ATP8A2: variants seen among roughly 807,000 people sequenced by gnomAD.
ATP8A2 encodes the protein phospholipid-transporting ATPase IB.
In ATP8A2, 100 loss-of-function variants were observed where a neutral mutation model predicts 165.6. That is an observed-to-expected ratio of 0.60 (90% CI 0.51 to 0.71). ATP8A2 has a LOEUF of 0.71. ATP8A2 is among the 30% of genes least tolerant of loss of function. ATP8A2 has a pLI of 0.00. For missense variants in ATP8A2, 1,227 were observed against 1,479.5 expected (o/e 0.83, Z 2.80); for synonymous variants, 543 against 548.8 (o/e 0.99, Z 0.15).
At chr13:25,747,519 A>T (rs2044059209) in intron 25 of ATP8A2, among the ~76,000 whole-genome samples, 3 of 152,210 alleles carry the variant, frequency 2.0e-5, no homozygotes, top group Non-Finnish European at 4.4e-5. Context: ...TAACTCTTAC[A>T]GAACAGTACG....
intron 1 of ATP8A2, among the ~76,000 whole-genome samples, chr13:25,461,282 G>C (rs1384424034): frequency 6.6e-6 from 1 of 152,190 alleles, no homozygotes; most frequent in Non-Finnish European, 1.5e-5. Context: ...TGTCTGCCAA[G>C]GCTAAAATAA....
At chr13:25,827,633 G>A (rs549038889) in intron 27 of ATP8A2, among the ~76,000 whole-genome samples, 1 of 152,204 alleles carries the variant, frequency 6.6e-6, no homozygotes, top group African/African-American at 2.4e-5. Flanking sequence ...CCTTGGTCAA[G>A]GTGGTAGACA....
chr13:25,465,667 CTT>C (rs1215571751), intron 1 of ATP8A2, among the ~76,000 whole-genome samples: 851 of 5,624 alleles, frequency 0.15, 18 homozygotes, highest in Non-Finnish European at 0.22. Context: ...GCAGAGTTTT[CTT>C]TCTTTCTTTC....
chr13:25,904,511 G>T (rs1469766711), intron 33 of ATP8A2, among the ~76,000 whole-genome samples: 1 of 152,168 alleles, frequency 6.6e-6, no homozygotes, highest in Non-Finnish European at 1.5e-5. Flanking sequence ...GCCTCTTCCT[G>T]CCTGCCGGAA....
chr13:25,436,729 G>A (rs535046847), intron 1 of ATP8A2, among the ~76,000 whole-genome samples: 5 of 151,980 alleles, frequency 3.3e-5, no homozygotes, highest in East Asian at 3.9e-4. Context: ...CACCAGCAGT[G>A]TGTAAGCACC....
At chr13:25,960,167 G>A (rs1394481104) in intron 33 of ATP8A2, among the ~76,000 whole-genome samples, 5 of 152,340 alleles carry the variant, frequency 3.3e-5, no homozygotes, top group Admixed American at 1.3e-4. Context: ...CAGGGTAAGC[G>A]GGTGGGGATG....
At chr13:25,646,024 C>T (rs1216334972) in intron 24 of ATP8A2, among the ~76,000 whole-genome samples, 1 of 152,042 alleles carries the variant, frequency 6.6e-6, no homozygotes, top group Admixed American at 6.6e-5. Flanking sequence ...AAGTCCCTTG[C>T]TGTTATTATA....
At chr13:25,424,300 C>T (rs1020529247) in intron 1 of ATP8A2, among the ~76,000 whole-genome samples, 2 of 152,186 alleles carry the variant, frequency 1.3e-5, no homozygotes, top group African/African-American at 4.8e-5. Flanking sequence ...CCATTCTTCC[C>T]ATTCTTGTGT....
chr13:25,891,038 C>A (rs1383040751), intron 33 of ATP8A2, among the ~76,000 whole-genome samples: 4 of 152,144 alleles, frequency 2.6e-5, no homozygotes, highest in Non-Finnish European at 5.9e-5. Context: ...AGGAAATGAA[C>A]CTCACATCAC....
At chr13:25,581,619 CTG>C (rs1332989330) in intron 22 of ATP8A2, among the ~76,000 whole-genome samples, 198 bp from the exon 23 acceptor site, 11 of 152,174 alleles carry the variant, frequency 7.2e-5, no homozygotes, top group Admixed American at 7.2e-4. Flanking sequence ...ACTGGGCTGC[CTG>C]TGTGTGTAGA....
intron 20 of ATP8A2, among the ~76,000 whole-genome samples, chr13:25,578,400 C>A (rs990660042): frequency 6.6e-6 from 1 of 152,160 alleles, no homozygotes; most frequent in African/African-American, 2.4e-5. Context: ...GTTGTGCCCT[C>A]TGTGCTTAGG....
intron 2 of ATP8A2, among the ~76,000 whole-genome samples, chr13:25,480,397 G>C (rs369167676): frequency 6.6e-6 from 1 of 151,710 alleles, no homozygotes; most frequent in East Asian, 2.0e-4. Context: ...TCACTTCTCA[G>C]ACGGGGCGGT....
At chr13:25,569,889 C>A (rs1180471869) in intron 16 of ATP8A2, among the ~76,000 whole-genome samples, 1 of 152,096 alleles carries the variant, frequency 6.6e-6, no homozygotes, top group African/African-American at 2.4e-5. Flanking sequence ...ATAGTGGTCA[C>A]TGAAATAATT....
intron 24 of ATP8A2, among the ~76,000 whole-genome samples, chr13:25,620,291 G>A (rs1172070344): frequency 6.6e-6 from 1 of 152,144 alleles, no homozygotes; most frequent in African/African-American, 2.4e-5. Context: ...CAGCAACAGA[G>A]GGACCAGAAC....
At chr13:25,704,497 C>T (rs570931542) in intron 25 of ATP8A2, among the ~76,000 whole-genome samples, 2 of 152,168 alleles carry the variant, frequency 1.3e-5, no homozygotes, top group Non-Finnish European at 2.9e-5. Flanking sequence ...CTATGCCTGG[C>T]TAATTTTTAA....
At chr13:25,993,487 T>C (rs1422243251) in intron 35 of ATP8A2, among the ~76,000 whole-genome samples, 1 of 152,194 alleles carries the variant, frequency 6.6e-6, no homozygotes, top group Non-Finnish European at 1.5e-5. Flanking sequence ...TTGTATAGTT[T>C]TATATTTTAC....
At chr13:26,019,810 AAAAG>A in intron 36 of ATP8A2, 74 bp from the exon 37 acceptor site, 1 of 1,068,682 alleles carries the variant, frequency 9.4e-7, no homozygotes, top group Non-Finnish European at 1.4e-6. Flanking sequence ...GCTGCCAAAA[AAAAG>A]CAGCTTATTT....
chr13:25,515,173 A>G (rs1269290801), intron 2 of ATP8A2, among the ~76,000 whole-genome samples: 1 of 152,176 alleles, frequency 6.6e-6, no homozygotes, highest in African/African-American at 2.4e-5. Context: ...GAGCTACTGA[A>G]ACAATGGTTA....
chr13:25,479,638 C>G (rs1234707013), intron 2 of ATP8A2, among the ~76,000 whole-genome samples: 1 of 151,770 alleles, frequency 6.6e-6, no homozygotes, highest in African/African-American at 2.4e-5. Flanking sequence ...GACCCTGAGG[C>G]CTTCCGCAGT....
Sources: gnomAD v4.1 joint callset for allele counts (sites outside exome capture counted in the v4.1 genomes callset) on GRCh38, gnomAD v4.1.1 for gene constraint, MANE v1.5 for transcripts, NCBI Gene and HGNC (gene_info 2026-07-23, HGNC 2026-07-21) for gene names.